Variants in NRN1 observed in about 807,000 individuals in gnomAD.
NRN1 encodes neuritin 1.
Under a neutral mutation model 15.0 loss-of-function variants are expected in NRN1, and 4 were observed. The ratio of observed to expected loss-of-function variants is 0.27; its 90% CI spans 0.13 to 0.61. NRN1 has a LOEUF of 0.61. Ranked by LOEUF, NRN1 falls within the 20% of genes least tolerant of loss-of-function variation. NRN1 has a pLI of 0.87. For missense variants in NRN1, 134 were observed against 181.9 expected (o/e 0.74, Z 1.51); for synonymous variants, 85 against 79.8 (o/e 1.07, Z -0.35).
chr6:6,003,547 A>C (rs529655613), intron 1 of NRN1, among the ~76,000 whole-genome samples: 1 of 151,710 alleles, frequency 6.6e-6, no homozygotes, highest in Non-Finnish European at 1.5e-5. Context: ...CCAGCTCAGG[A>C]CTCCCTGCAG....
chr6:6,002,542 C>T (rs543272162), intron 1 of NRN1, 45 bp from the exon 2 acceptor site: 2 of 1,592,588 alleles, frequency 1.3e-6, no homozygotes, highest in African/African-American at 1.3e-5. Context: ...ACGACCCCGC[C>T]CTGCCGCCCA....
chr6:6,002,675 C>T (rs753452988), intron 1 of NRN1, among the ~76,000 whole-genome samples, 178 bp from the exon 2 acceptor site: 7 of 152,248 alleles, frequency 4.6e-5, no homozygotes, highest in Non-Finnish European at 8.8e-5. Context: ...CAGGAATGCC[C>T]GACCTGCAGC....
intron 1 of NRN1, chr6:6,003,626 G>A: frequency 1.0e-6 from 1 of 977,852 alleles, no homozygotes; most frequent in Non-Finnish European, 1.3e-6. Context: ...GCCGCACGAA[G>A]GTCCAAGCCC....
At chr6:6,000,375 G>A (rs907429590) in intron 2 of NRN1, among the ~76,000 whole-genome samples, 1 of 152,110 alleles carries the variant, frequency 6.6e-6, no homozygotes, top group African/African-American at 2.4e-5. Flanking sequence ...ACCCGTGATC[G>A]ATTCCTGGGG....
At chr6:6,003,713 G>C in intron 1 of NRN1, 2 of 1,234,384 alleles carry the variant, frequency 1.6e-6, no homozygotes, top group Non-Finnish European at 2.0e-6. Context: ...CAGGCTGCGG[G>C]CGCGCGGCTG....
In NRN1 at chr6:5,999,021, G is replaced by C; in HGVS notation, c.384C>G (p.Leu128=). 6.2e-7 allele frequency: 1 copy of C among 1,613,446 alleles called. No homozygotes were observed. The highest frequency in any genetic ancestry group is 8.5e-7 in the Non-Finnish European group (1 of 1,179,790). Reference sequence around the variant, plus strand: ...CTAAAGCTGCCGAGAGAGACACCAGGAGCACCGGGAACGCCGGGAGCAGGG... The same window carrying C: ...CTAAAGCTGCCGAGAGAGACACCAGCAGCACCGGGAACGCCGGGAGCAGGG... The part of the protein sequence containing the change: ...AGSLLPAFPV[L]LVSLSAALAT... The change falls in exon 3 of 3, where the codon CTC becomes CTG. Residue 128 remains leucine, a synonymous_variant. Coordinates refer to ENST00000244766, the MANE Select transcript of NRN1 (RefSeq NM_016588.3).
In NRN1 at chr6:5,999,648, C is replaced by G. The variant is rs925974686; in HGVS notation, c.201-444G>C. The stretch of plus-strand genomic sequence containing the variant: ...TGGGTTACTAGCTCTGAGCACGGCC[C>G]TCCCCTCGGGGCTTCTTACATTCTC... On this transcript the variant is annotated intron_variant, in intron 2 of 2. Transcript: ENST00000244766. 2.0e-5 allele frequency among the ~76,000 whole-genome samples: 3 copies of G among 152,216 alleles called. No individual in the cohort carries two copies. In the East Asian group the frequency reaches 5.8e-4, roughly 29 times the overall value.
At chr6:6,001,206 ACC>A (rs1757936606) in intron 2 of NRN1, among the ~76,000 whole-genome samples, 1 of 152,084 alleles carries the variant, frequency 6.6e-6, no homozygotes, top group African/African-American at 2.4e-5. Flanking sequence ...CTAAACAAAC[ACC>A]CGTCCTTCCA....
At chr6:6,004,638 T>C (rs998432988) in intron 1 of NRN1, among the ~76,000 whole-genome samples, 2 of 152,210 alleles carry the variant, frequency 1.3e-5, no homozygotes, top group Non-Finnish European at 2.9e-5. Flanking sequence ...CTGTGACTCC[T>C]TGGACTCTAG....
chr6:6,004,159 C>A, intron 1 of NRN1: 1 of 417,776 alleles, frequency 2.4e-6, no homozygotes, highest in Non-Finnish European at 3.3e-6. Context: ...TAACTTCGAC[C>A]TCCGCTGGGG....
chr6:5,999,426 G>T (rs932081505), intron 2 of NRN1, among the ~76,000 whole-genome samples: 8 of 152,234 alleles, frequency 5.3e-5, no homozygotes, highest in Non-Finnish European at 8.8e-5. Flanking sequence ...GGGGTGGGGG[G>T]GCGCCCCCTC....
intron 1 of NRN1, chr6:6,003,776 C>T: frequency 8.1e-7 from 1 of 1,234,214 alleles, no homozygotes; most frequent in Non-Finnish European, 1.0e-6. Flanking sequence ...AGCTGAGTGC[C>T]TAGCGGCCCA....
rs570688374 is a variant in NRN1, at chr6:6,003,827, G to T, written c.56-1330C>A. The T allele has an allele frequency of 1.9e-4, 236 of 1,233,680 alleles. 1 individual carries two copies. The African/African-American group carries it at 2.9e-3, about 15-fold the overall frequency. The allele number at this position is 1,233,680 out of a possible 1,614,324, so 76.4% of individuals were successfully genotyped here. ...CGGGAGGGCGCCAGAGAAGCACAGC[G>T]TTAGGGCGGGGAAGAAAGGGTGAAT... On this transcript the variant is annotated intron_variant, in intron 1 of 2. Transcript: ENST00000244766.
At position 6,002,335 on chromosome 6, in the gene NRN1, G is replaced by T. The variant is rs774783606; in HGVS notation, c.200+18C>A. The T allele has an allele frequency of 4.3e-6, 7 of 1,612,154 alleles. No homozygotes were observed. Among genetic ancestry groups the T allele is most frequent in the African/African-American group, 1.3e-5 (1 of 74,898 alleles). On this transcript the variant is annotated intron_variant, in intron 2 of 2. Coordinates refer to ENST00000244766, the MANE Select transcript of NRN1 (RefSeq NM_016588.3). The stretch of plus-strand genomic sequence containing the variant: ...CGCCCCCAAAACCGAAGTCCAGCCG[G>T]CCAGAGAGGACACTTACGTGCACAC...
At position 6,002,262 on chromosome 6, in the gene NRN1, G is replaced by A. The variant is rs373892298; in HGVS notation, c.200+91C>T. ...GCCGATGCGGATTCGCGCTGGCGCTGAACGCTGAGCGCAGGCGGGGAGGCT... is the reference window on the plus strand; with the variant it reads ...GCCGATGCGGATTCGCGCTGGCGCTAAACGCTGAGCGCAGGCGGGGAGGCT... On this transcript the variant is annotated intron_variant, in intron 2 of 2. Coordinates refer to ENST00000244766, the MANE Select transcript of NRN1 (RefSeq NM_016588.3). 30 of 1,497,600 alleles carry A rather than the reference G, an allele frequency of 2.0e-5. No homozygotes were observed. The East Asian group carries it at 6.6e-4, about 33-fold the overall frequency. The allele number at this position is 1,497,600 out of a possible 1,614,324, so 92.8% of individuals were successfully genotyped here.
intron 2 of NRN1, among the ~76,000 whole-genome samples, chr6:5,999,454 C>T (rs758327957): frequency 6.6e-6 from 1 of 152,258 alleles, no homozygotes; most frequent in Non-Finnish European, 1.5e-5. Flanking sequence ...GTTTTCCCTT[C>T]CAGTTGCCGG....
At chr6:6,006,031 AG>A (rs1375934644) in intron 1 of NRN1, among the ~76,000 whole-genome samples, 1 of 152,250 alleles carries the variant, frequency 6.6e-6, no homozygotes, top group Non-Finnish European at 1.5e-5. Context: ...CAATGTGTAA[AG>A]TAGCAGGCAA....
chr6:6,007,064 T>C (rs1199180575), upstream of NRN1: 7 of 356,384 alleles, frequency 2.0e-5, no homozygotes, highest in Non-Finnish European at 3.1e-5. Context: ...TGACACGGAA[T>C]GATTTTTTTT....
chr6:6,005,685 C>A (rs1435873725), intron 1 of NRN1, among the ~76,000 whole-genome samples: 1 of 152,200 alleles, frequency 6.6e-6, no homozygotes, highest in African/African-American at 2.4e-5. Flanking sequence ...GTAACAATTC[C>A]GTTTCAGGAG....
Sources: gnomAD v4.1 joint callset for allele counts (sites outside exome capture counted in the v4.1 genomes callset) on GRCh38, gnomAD v4.1.1 for gene constraint, MANE v1.5 for transcripts, NCBI Gene and HGNC (gene_info 2026-07-23, HGNC 2026-07-21) for gene names.